The following HOOK1 variants were observed in gnomAD, a reference collection of about 807,000 sequenced individuals.
The protein encoded by HOOK1 is hook microtubule tethering protein 1, also known as protein Hook homolog 1.
In HOOK1, 60 loss-of-function variants were observed where a neutral mutation model predicts 112.8. The ratio of observed to expected loss-of-function variants is 0.53; its 90% CI spans 0.43 to 0.66. The LOEUF (loss-of-function observed/expected upper bound fraction) is 0.66. HOOK1 is among the 30% of genes least tolerant of loss of function. HOOK1 has a pLI of 0.00. For missense variants in HOOK1, 770 were observed against 856.0 expected, an observed-to-expected ratio of 0.90 and a Z score of 1.25; for synonymous variants, 294 against 283.8, an observed-to-expected ratio of 1.04 and a Z score of -0.36.
intron 8 of HOOK1, among the ~76,000 whole-genome samples, chr1:59,841,434 T>C (rs577770615): frequency 1.0e-3 from 159 of 152,156 alleles, no homozygotes; most frequent in Admixed American, 1.8e-3. Flanking sequence ...AGGAAAAGAC[T>C]TGGTTAGGGT....
rs1231514340 is a variant in HOOK1 at position 59,858,535 on chromosome 1, G to T, written c.1330+20G>T. 6.4e-7 allele frequency: 1 copy of T among 1,554,112 alleles called. No homozygotes were observed. The highest frequency in any genetic ancestry group is 8.9e-7 in the Non-Finnish European group (1 of 1,125,648). On this transcript the variant is annotated intron_variant, in intron 13 of 21. Coordinates refer to ENST00000371208, the MANE Select transcript of HOOK1 (RefSeq NM_015888.6). Reference sequence around the variant, plus strand: ...AAACAGGTTAATTTTGTTAGATTTAGAAAAGTTTCAGCCTGGGCAGCATAG... The same window carrying T: ...AAACAGGTTAATTTTGTTAGATTTATAAAAGTTTCAGCCTGGGCAGCATAG...
intron 19 of HOOK1, among the ~76,000 whole-genome samples, chr1:59,866,847 C>T (rs1643976438): frequency 6.6e-6 from 1 of 152,052 alleles, no homozygotes; most frequent in Non-Finnish European, 1.5e-5. Flanking sequence ...TTTCCTTTTC[C>T]TTTTTTGCTC....
intron 11 of HOOK1, among the ~76,000 whole-genome samples, chr1:59,848,757 T>G (rs894709189): frequency 6.6e-6 from 1 of 151,534 alleles, no homozygotes; most frequent in African/African-American, 2.4e-5. Context: ...ATTTTATTGT[T>G]TATTAGCATT....
intron 2 of HOOK1, 52 bp downstream of exon 2, chr1:59,821,995 C>G (rs765733689): frequency 7.2e-7 from 1 of 1,392,416 alleles, no homozygotes; most frequent in South Asian, 1.2e-5. Flanking sequence ...CAATACATAC[C>G]AAGGAAGAAA....
At chr1:59,847,989 C>A (rs1248697444) in intron 10 of HOOK1, among the ~76,000 whole-genome samples, 1 of 151,672 alleles carries the variant, frequency 6.6e-6, no homozygotes, top group Non-Finnish European at 1.5e-5. Flanking sequence ...AGCTGCAGAG[C>A]AGCTGATTTG....
chr1:59,855,713 G>T (rs1268167221), intron 12 of HOOK1, among the ~76,000 whole-genome samples: 1 of 150,950 alleles, frequency 6.6e-6, no homozygotes, highest in Non-Finnish European at 1.5e-5. Flanking sequence ...CATACTTGAT[G>T]GGAGTCCTAC....
At chr1:59,841,329 G>GGT (rs1264296727) in intron 8 of HOOK1, among the ~76,000 whole-genome samples, 1 of 152,092 alleles carries the variant, frequency 6.6e-6, no homozygotes, top group Admixed American at 6.6e-5. Flanking sequence ...AAGGAGCAAA[G>GGT]GTGTGGTAGC....
At chr1:59,856,399 A>G (rs183185094) in intron 12 of HOOK1, among the ~76,000 whole-genome samples, 1 of 151,138 alleles carries the variant, frequency 6.6e-6, no homozygotes, top group Non-Finnish European at 1.5e-5. Flanking sequence ...CTTTGAACAT[A>G]CTTAGAATAG....
intron 17 of HOOK1, 74 bp from the exon 18 acceptor site, chr1:59,865,089 C>A: frequency 1.1e-6 from 1 of 873,234 alleles, no homozygotes; most frequent in South Asian, 1.4e-5. Context: ...AACCAAGGGT[C>A]AGAAAGCAAC....
Position 59,836,888 on chromosome 1 carries a change from A to G in HOOK1, c.490A>G (p.Ile164Val). 2 of 1,585,878 alleles carry G rather than the reference A, an allele frequency of 1.3e-6. No individual in the cohort carries two copies. The highest frequency in any genetic ancestry group is 1.7e-6 in the Non-Finnish European group (2 of 1,157,938). ...TAIQELMSKE[I>V]LSSPPNDAVG... ...AATTTCCTAGTTGATGAGTAAAGAA[A>G]TATTGAGCTCTCCTCCAAATGATGC... The change falls in exon 7 of 22, where the codon ATA becomes GTA. Residue 164 changes from isoleucine (I) to valine (V), a missense_variant. By Grantham distance (29) the Ile-to-Val change is conservative. Around this residue, in one of 3 missense-constraint regions of HOOK1, gnomAD observed 655 missense variants for 725.9 expected, o/e 0.90. Coordinates refer to ENST00000371208, the MANE Select transcript of HOOK1 (RefSeq NM_015888.6).
rs2098405345 is a variant in HOOK1 at position 59,848,404 on chromosome 1, T to G, written c.1019T>G (p.Val340Gly). The change falls in exon 11 of 22, where the codon GTG (valine) becomes GGG (glycine). Residue 340 changes from valine to glycine, a missense_variant. Transcript: ENST00000371208. ...GATCTGAATGACCTTCGCAAGCAGG[T>G]GAAAACTTTACAGGAAACCAACATG... The part of the protein sequence containing the change: ...LQDLNDLRKQ[V>G]KTLQETNMMY... 2 of 1,611,184 alleles carry G rather than the reference T, an allele frequency of 1.2e-6. No individual in the cohort carries two copies. The highest frequency in any genetic ancestry group is 1.7e-6 in the Non-Finnish European group (2 of 1,178,006).
intron 17 of HOOK1, 187 bp downstream of exon 17, chr1:59,864,853 C>A: frequency 1.8e-6 from 1 of 562,632 alleles, no homozygotes. Context: ...CAAACTCCTA[C>A]ATCTTTCCAT....
intron 20 of HOOK1, 114 bp downstream of exon 20, chr1:59,868,465 G>C: frequency 1.4e-6 from 1 of 714,826 alleles, no homozygotes; most frequent in Non-Finnish European, 2.4e-6. Flanking sequence ...AAAATGTCAT[G>C]TTTTAGCACC....
intron 1 of HOOK1, 31 bp downstream of exon 1, chr1:59,815,211 G>T (rs1374680715): frequency 5.2e-6 from 8 of 1,537,308 alleles, no homozygotes; most frequent in Non-Finnish European, 7.0e-6. Flanking sequence ...GGGCGAGGGG[G>T]CCAGGGGGCC....
At chr1:59,833,709 G>C (rs186403030) in intron 5 of HOOK1, among the ~76,000 whole-genome samples, 172 bp downstream of exon 5, 1 of 152,170 alleles carries the variant, frequency 6.6e-6, no homozygotes, top group Non-Finnish European at 1.5e-5. Flanking sequence ...CATACCTTGA[G>C]TGTCCTATTT....
intron 8 of HOOK1, among the ~76,000 whole-genome samples, chr1:59,842,008 T>C (rs2098401255): frequency 6.6e-6 from 1 of 152,118 alleles, no homozygotes; most frequent in East Asian, 1.9e-4. Flanking sequence ...CTTACTCATG[T>C]CTGTGCCAGA....
chr1:59,862,822 T>A lies in HOOK1; in HGVS notation c.1571T>A (p.Ile524Asn). 1 of 1,612,342 alleles carries A rather than the reference T, an allele frequency of 6.2e-7. No individual in the cohort carries two copies. Among genetic ancestry groups the A allele is most frequent in the African/African-American group, 1.3e-5 (1 of 74,986 alleles). The change falls in exon 16 of 22, where the codon ATT becomes AAT. Residue 524 changes from isoleucine (I) to asparagine (N), a missense_variant. Ile to Asn is a moderately radical substitution (Grantham distance 149). Coordinates refer to ENST00000371208, the MANE Select transcript of HOOK1 (RefSeq NM_015888.6). ...CGTATTAGAGAATTGCAGCAGCAGATTGAGGACCTCCAGAAATCTTTACAG... is the reference window on the plus strand; with the variant it reads ...CGTATTAGAGAATTGCAGCAGCAGAATGAGGACCTCCAGAAATCTTTACAG... ...KERIRELQQQ[I>N]EDLQKSLQEQ...
intron 3 of HOOK1, among the ~76,000 whole-genome samples, chr1:59,830,454 C>A (rs2098393075): frequency 6.6e-6 from 1 of 151,962 alleles, no homozygotes; most frequent in African/African-American, 2.4e-5. Context: ...TTCTTTATCC[C>A]TGGTAATATT....
intron 4 of HOOK1, among the ~76,000 whole-genome samples, chr1:59,832,435 T>G (rs1293796777): frequency 1.3e-5 from 2 of 152,140 alleles, no homozygotes; most frequent in African/African-American, 4.8e-5. Context: ...CTCTCCGAAT[T>G]GATTTTCAAG....
Sources: allele counts gnomAD v4.1 joint callset (sites outside exome capture counted in the v4.1 genomes callset), GRCh38; gene constraint gnomAD v4.1.1; regional missense constraint gnomAD v4.1.1; transcripts MANE v1.5; gene names NCBI Gene and HGNC (gene_info 2026-07-23, HGNC 2026-07-21).